CCSER1: variants seen among roughly 807,000 people sequenced by gnomAD.
CCSER1 encodes the protein coiled-coil serine rich protein 1.
Under a neutral mutation model 82.0 loss-of-function variants are expected in CCSER1, and 41 were observed. The observed-to-expected ratio is 0.50, with a 90% CI of 0.39 to 0.65. CCSER1 has a LOEUF of 0.65. CCSER1 is among the 30% of genes least tolerant of loss of function. The pLI is 0.00. For missense variants in CCSER1, 1,119 were observed against 1,064.2 expected (o/e 1.05, Z -0.72); for synonymous variants, 414 against 383.9 (o/e 1.08, Z -0.92).
chr4:90,682,981 C>T (rs1163065029), intron 6 of CCSER1: 2 of 151,964 alleles, frequency 1.3e-5, no homozygotes, highest in South Asian at 2.1e-4. Flanking sequence ...GGGTGAAAAA[C>T]ATGATTGAAA....
chr4:90,289,386 A>G (rs186133590), intron 1 of CCSER1, among the ~76,000 whole-genome samples: 1,886 of 151,956 alleles, frequency 0.012, 49 homozygotes, highest in African/African-American at 0.043. Flanking sequence ...GTAAAAAGAT[A>G]ATTTGAAATT....
intron 1 of CCSER1, among the ~76,000 whole-genome samples, chr4:90,152,570 A>T (rs973360578): frequency 6.6e-6 from 1 of 152,150 alleles, no homozygotes; most frequent in South Asian, 2.1e-4. Flanking sequence ...TGATTTAGAC[A>T]TTCACATTTG....
intron 7 of CCSER1, among the ~76,000 whole-genome samples, chr4:90,804,616 G>A (rs1757267837): frequency 6.6e-6 from 1 of 152,104 alleles, no homozygotes; most frequent in South Asian, 2.1e-4. Context: ...GGTTACTGTA[G>A]CATTTCAGCA....
At chr4:90,903,804 T>C (rs1725028827) in intron 8 of CCSER1, among the ~76,000 whole-genome samples, 2 of 144,082 alleles carry the variant, frequency 1.4e-5, no homozygotes, top group Non-Finnish European at 3.0e-5. Flanking sequence ...ACCACTGCAC[T>C]CCAGCCTGGG....
intron 7 of CCSER1, among the ~76,000 whole-genome samples, chr4:90,774,504 C>T (rs1752644321): frequency 2.0e-5 from 3 of 152,026 alleles, no homozygotes; most frequent in South Asian, 2.1e-4. Context: ...ATAAACTTGA[C>T]ATATTTAAAC....
chr4:90,294,047 G>T (rs1731404378), intron 1 of CCSER1, among the ~76,000 whole-genome samples: 2 of 152,012 alleles, frequency 1.3e-5, no homozygotes, highest in South Asian at 4.1e-4. Context: ...ATGAATTATT[G>T]TGTTGTTAAA....
rs931450594 is a variant in CCSER1 at position 91,256,517 on chromosome 4, C to T, written c.2217+170523C>T. Among the ~76,000 whole-genome samples, 37 of 152,150 alleles carry T rather than the reference C, an allele frequency of 2.4e-4. 1 individual carries two copies. On this transcript the variant is annotated intron_variant, in intron 10 of 10. Coordinates refer to ENST00000509176, the MANE Select transcript of CCSER1 (RefSeq NM_001145065.2). ...ATAAAAACTTGCTGGTTTTGTGGCT[C>T]AGGGGGCATCACAGAACCTGCTGAC...
At chr4:91,013,939 TTTG>T (rs1219356561) in intron 9 of CCSER1, among the ~76,000 whole-genome samples, 4 of 131,878 alleles carry the variant, frequency 3.0e-5, no homozygotes, top group African/African-American at 7.5e-5. Flanking sequence ...TGTTTTTGTT[TTTG>T]TTGTTGTTGT....
intron 8 of CCSER1, chr4:90,911,315 G>T (rs1474647038): frequency 6.6e-6 from 3 of 456,184 alleles, no homozygotes; most frequent in South Asian, 1.5e-5. Context: ...GTTTCTTGAA[G>T]ATTCTACTGA....
chr4:90,508,129 G>A (rs568068338), intron 5 of CCSER1, among the ~76,000 whole-genome samples: 55 of 152,108 alleles, frequency 3.6e-4, no homozygotes, highest in Non-Finnish European at 6.5e-4. Context: ...GGATGACTGG[G>A]AAAGTAATGG....
At chr4:90,745,678 C>CTTTTTTTTTTTTT (rs537380046) in intron 7 of CCSER1, among the ~76,000 whole-genome samples, 12 of 72,242 alleles carry the variant, frequency 1.7e-4, no homozygotes, top group East Asian at 4.9e-4. Flanking sequence ...TTTCTTTTAT[C>CTTTTTTTTTTTTT]TTTTTTTTTT....
chr4:91,234,711 T>A (rs890186492), intron 10 of CCSER1, among the ~76,000 whole-genome samples: 3 of 152,112 alleles, frequency 2.0e-5, no homozygotes, highest in Admixed American at 6.5e-5. Flanking sequence ...TTTGAGTAAA[T>A]CTAATCTTTC....
At chr4:90,641,325 A>C in intron 6 of CCSER1, among the ~76,000 whole-genome samples, 1 of 152,160 alleles carries the variant, frequency 6.6e-6, no homozygotes, top group South Asian at 2.1e-4. Context: ...AGATTTAAAG[A>C]GTAAGAAGAT....
intron 9 of CCSER1, among the ~76,000 whole-genome samples, chr4:91,080,594 C>T (rs1026619372): frequency 1.3e-5 from 2 of 151,902 alleles, no homozygotes; most frequent in Admixed American, 1.3e-4. Flanking sequence ...GATAGAGGCA[C>T]AAAAAACCCT....
At chr4:91,024,149 T>C (rs1740276567) in intron 9 of CCSER1, among the ~76,000 whole-genome samples, 2 of 152,114 alleles carry the variant, frequency 1.3e-5, no homozygotes, top group African/African-American at 2.4e-5. Flanking sequence ...GCAGAGCCTT[T>C]ATGATCCAAT....
chr4:90,432,663 C>A (rs1205771591), intron 4 of CCSER1, among the ~76,000 whole-genome samples: 1 of 151,540 alleles, frequency 6.6e-6, no homozygotes, highest in Non-Finnish European at 1.5e-5. Context: ...CTGTGTTGCC[C>A]AGGCTGGCCT....
chr4:91,598,551 T>C, intron 10 of CCSER1, 21 bp from the exon 11 acceptor site: 3 of 1,522,066 alleles, frequency 2.0e-6, no homozygotes, highest in Non-Finnish European at 2.6e-6. Flanking sequence ...GACATCTTTT[T>C]CTTTCTGTGT....
At position 90,669,735 on chromosome 4, in the gene CCSER1, G is replaced by GA. The variant is rs537311212; in HGVS notation, c.1932+41510dup. Among the ~76,000 whole-genome samples the GA allele has an allele frequency of 3.3e-4, 50 of 151,956 alleles. No homozygotes were observed. In the South Asian group the frequency reaches 7.9e-3, roughly 24 times the overall value. On this transcript the variant is annotated intron_variant, in intron 6 of 10. Coordinates refer to ENST00000509176, the MANE Select transcript of CCSER1 (RefSeq NM_001145065.2). ...TCTCTCTTCAACCTTTTTAGTAGAAGAAAAAAATGTGAAGGAGAGGAAATA... is the reference window on the plus strand; with the variant it reads ...TCTCTCTTCAACCTTTTTAGTAGAAGAAAAAAAATGTGAAGGAGAGGAAATA...
chr4:91,269,845 TG>T (rs762607747), intron 10 of CCSER1, among the ~76,000 whole-genome samples: 3 of 152,156 alleles, frequency 2.0e-5, no homozygotes, highest in Non-Finnish European at 4.4e-5. Context: ...ATTCCAATTG[TG>T]TACTTTTAAA....
Sources: allele counts gnomAD v4.1 joint callset (sites outside exome capture counted in the v4.1 genomes callset), GRCh38; gene constraint gnomAD v4.1.1; transcripts MANE v1.5; gene names NCBI Gene and HGNC (gene_info 2026-07-23, HGNC 2026-07-21).